Variants in IGSF10 observed in about 807,000 individuals in gnomAD.
IGSF10 encodes the protein calvaria mechanical force protein 608.
IGSF10 carries 126 observed loss-of-function variants against 128.2 expected under a neutral mutation model. The observed-to-expected ratio is 0.98, with a 90% confidence interval of 0.85 to 1.14. IGSF10 has a LOEUF of 1.14. Among genes scored for constraint, IGSF10 ranks in the 50% most tolerant of loss-of-function variants. The pLI, the probability that IGSF10 is intolerant of heterozygous loss-of-function variation, is 0.00. For missense variants in IGSF10, 3,295 were observed against 3,149.8 expected, an observed-to-expected ratio of 1.05 and a Z score of -1.10; for synonymous variants, 1,185 against 1,146.2, an observed-to-expected ratio of 1.03 and a Z score of -0.68.
chr3:151,566,351 T>C, the IGSF10 span, among the ~76,000 whole-genome samples: 74,725 of 151,938 alleles, frequency 0.49, 18,551 homozygotes, highest in South Asian at 0.59. Flanking sequence ...TGATTAAAGT[T>C]AATAGCATTT....
At chr3:151,474,586 C>A in the IGSF10 span, among the ~76,000 whole-genome samples, 4 of 152,250 alleles carry the variant, frequency 2.6e-5, no homozygotes, top group South Asian at 8.3e-4. Flanking sequence ...GGACTAGGAC[C>A]AATTAGACCC....
chr3:151,612,259 A>G, the IGSF10 span, among the ~76,000 whole-genome samples: 1 of 152,210 alleles, frequency 6.6e-6, no homozygotes, highest in Non-Finnish European at 1.5e-5. Flanking sequence ...ATGAATTGAA[A>G]AACATTTCCT....
intron 3 of IGSF10, among the ~76,000 whole-genome samples, chr3:151,457,865 G>T (rs12496967): frequency 0.076 from 11,585 of 152,066 alleles, 621 homozygotes; most frequent in African/African-American, 0.14. Flanking sequence ...ACATTTGTCT[G>T]GTCTTTTTAA....
the IGSF10 span, among the ~76,000 whole-genome samples, chr3:151,485,877 G>A: frequency 6.6e-6 from 1 of 152,284 alleles, no homozygotes; most frequent in East Asian, 1.9e-4. Flanking sequence ...TCCACACTAT[G>A]AAGAAACTGC....
rs951988427 is a variant in IGSF10 at position 151,436,478 on chromosome 3, TAAGTTAA to T, written c.*204_*210del. ...ATTTGTTGGCAAAATAAAAGTGCCT[TAAGTTAA>T]AAGTTTGTTTTGAGATCCATTAAAT... On this transcript the variant is annotated 3_prime_UTR_variant, in exon 8 of 8. Transcript: ENST00000282466. The T allele has an allele frequency of 1.2e-5, 5 of 430,368 alleles. No individual in the cohort carries two copies. Among genetic ancestry groups the T allele is most frequent in the Non-Finnish European group, 2.0e-5 (5 of 246,866 alleles). The allele number at this position is 430,368 out of a possible 1,614,324, so 26.7% of individuals were successfully genotyped here.
intron 3 of IGSF10, among the ~76,000 whole-genome samples, chr3:151,458,038 T>A (rs906829563): frequency 2.0e-5 from 3 of 152,092 alleles, no homozygotes; most frequent in East Asian, 3.9e-4. Flanking sequence ...GTCATATTTT[T>A]AAAAATTTAA....
chr3:151,463,731 A>T (rs2108588187), upstream of IGSF10, among the ~76,000 whole-genome samples: 1 of 151,376 alleles, frequency 6.6e-6, no homozygotes, highest in South Asian at 2.1e-4. Flanking sequence ...CACACCTGTA[A>T]TCCCAGCATT....
chr3:151,510,088 A>T, the IGSF10 span, among the ~76,000 whole-genome samples: 18 of 152,232 alleles, frequency 1.2e-4, no homozygotes, highest in Non-Finnish European at 1.6e-4. Flanking sequence ...TAACCTCTGC[A>T]GACTTAAATG....
chr3:151,531,621 T>C, the IGSF10 span, among the ~76,000 whole-genome samples: 1 of 148,858 alleles, frequency 6.7e-6, no homozygotes, highest in Non-Finnish European at 1.5e-5. Flanking sequence ...AATAAGTAAG[T>C]TTTTTGAAAC....
At chr3:151,604,791 G>A in the IGSF10 span, among the ~76,000 whole-genome samples, 1 of 152,004 alleles carries the variant, frequency 6.6e-6, no homozygotes, top group Non-Finnish European at 1.5e-5. Context: ...ATTCTATAAA[G>A]TCACTGTGAG....
chr3:151,598,628 T>C, the IGSF10 span, among the ~76,000 whole-genome samples: 4 of 152,250 alleles, frequency 2.6e-5, no homozygotes, highest in African/African-American at 7.2e-5. Flanking sequence ...GTAAATGCTA[T>C]GTAAATTGTT....
chr3:151,564,318 CT>C, the IGSF10 span, among the ~76,000 whole-genome samples: 9 of 151,322 alleles, frequency 5.9e-5, no homozygotes, highest in Non-Finnish European at 1.2e-4. Flanking sequence ...TTATATTTGA[CT>C]TTTTTTTTAA....
In IGSF10 at chr3:151,445,947, T is replaced by C. The variant is rs774332449; in HGVS notation, c.4034A>G (p.Gln1345Arg). ...QTERSRAQTI[Q>R]REQEPQKKNR... Reference sequence around the variant, plus strand: ...CTTCTTTTGAGGCTCCTGTTCTCTTTGTATTGTTTGTGCTCTAGATCTCTC... The same window carrying C: ...CTTCTTTTGAGGCTCCTGTTCTCTTCGTATTGTTTGTGCTCTAGATCTCTC... Residue 1345 changes from glutamine (Q) to arginine (R), a missense_variant, in exon 6 of 8, where the codon CAA (glutamine) becomes CGA (arginine). Transcript: ENST00000282466. The C allele has an allele frequency of 1.2e-6, 2 of 1,614,054 alleles. No homozygotes were observed. Among genetic ancestry groups the C allele is most frequent in the African/African-American group, 1.3e-5 (1 of 74,920 alleles).
the IGSF10 span, among the ~76,000 whole-genome samples, chr3:151,523,380 C>G: frequency 6.6e-6 from 1 of 152,106 alleles, no homozygotes; most frequent in African/African-American, 2.4e-5. Context: ...GTAAAATGAA[C>G]AGAAGCTGGA....
chr3:151,575,471 C>T, the IGSF10 span, among the ~76,000 whole-genome samples: 10 of 151,942 alleles, frequency 6.6e-5, no homozygotes, highest in African/African-American at 2.4e-4. Flanking sequence ...CCTTGCAGTT[C>T]GATCTGGGAC....
the IGSF10 span, among the ~76,000 whole-genome samples, chr3:151,579,981 C>T: frequency 6.6e-6 from 1 of 151,728 alleles, no homozygotes; most frequent in Non-Finnish European, 1.5e-5. Flanking sequence ...CTTGAAGCAG[C>T]CAGAAGTAAA....
upstream of IGSF10, among the ~76,000 whole-genome samples, chr3:151,464,294 T>G (rs1018557302): frequency 3.3e-5 from 5 of 152,208 alleles, no homozygotes; most frequent in African/African-American, 1.2e-4. Flanking sequence ...TAAACAGTAT[T>G]GTTGGTAAAT....
chr3:151,437,108 A>G lies in IGSF10; in HGVS notation c.7453T>C (p.Leu2485=), dbSNP rs753172224. ...DRPQINGKYI[L]HDNGTLVIKE... The stretch of plus-strand genomic sequence containing the variant: ...ATGACTAAGGTGCCATTGTCATGCA[A>G]TATGTATTTCCCATTAATTTGAGGC... Residue 2485 remains leucine (L), a synonymous_variant, in exon 8 of 8, where the codon TTG becomes CTG. Coordinates refer to ENST00000282466, the MANE Select transcript of IGSF10 (RefSeq NM_178822.5). 1.9e-6 allele frequency: 3 copies of G among 1,614,162 alleles called. No individual in the cohort carries two copies. Among genetic ancestry groups the G allele is most frequent in the Non-Finnish European group, 1.7e-6 (2 of 1,180,012 alleles).
intron 5 of IGSF10, among the ~76,000 whole-genome samples, chr3:151,452,362 G>C (rs566518779): frequency 3.3e-5 from 5 of 152,280 alleles, no homozygotes; most frequent in African/African-American, 1.2e-4. Context: ...CTAGGCTACA[G>C]ACCCATACAG....
Sources: gnomAD v4.1 joint callset for allele counts (sites outside exome capture counted in the v4.1 genomes callset) on GRCh38, gnomAD v4.1.1 for gene constraint, MANE v1.5 for transcripts, NCBI Gene and HGNC (gene_info 2026-07-23, HGNC 2026-07-21) for gene names.